AGBL4: variants seen among roughly 807,000 people sequenced by gnomAD.
AGBL4 encodes cytosolic carboxypeptidase 6.
A neutral mutation model predicts 66.4 loss-of-function variants in AGBL4; 58 were observed. The ratio of observed to expected loss-of-function variants is 0.87; its 90% CI spans 0.71 to 1.09. The LOEUF (loss-of-function observed/expected upper bound fraction) is 1.09, where lower values mean the gene tolerates loss of function less well. AGBL4 is among the 50% of genes least tolerant of loss of function. The pLI is 0.00. For synonymous variants in AGBL4, 234 were observed against 222.9 expected (o/e 1.05, Z -0.44); for missense variants, 579 against 631.0 (o/e 0.92, Z 0.88).
chr1:49,843,536 C>A (rs565432052), intron 2 of AGBL4, among the ~76,000 whole-genome samples: 1 of 152,304 alleles, frequency 6.6e-6, no homozygotes, highest in African/African-American at 2.4e-5. Context: ...GTGGTCAAGT[C>A]TCACATCTTA....
chr1:49,574,336 A>C (rs535705155), intron 3 of AGBL4, among the ~76,000 whole-genome samples: 94 of 152,140 alleles, frequency 6.2e-4, no homozygotes, highest in Non-Finnish European at 1.2e-3. Context: ...ACGGAGTTAA[A>C]AAGAGGTTCT....
intron 3 of AGBL4, among the ~76,000 whole-genome samples, chr1:49,409,975 T>G (rs1645283575): frequency 6.6e-6 from 1 of 152,192 alleles, no homozygotes; most frequent in African/African-American, 2.4e-5. Context: ...AGGCACTTTC[T>G]TCTTGAAACT....
chr1:49,054,623 T>C (rs1571336671), intron 4 of AGBL4, among the ~76,000 whole-genome samples: 1 of 151,938 alleles, frequency 6.6e-6, no homozygotes, highest in Admixed American at 6.6e-5. Context: ...ATCTTCAAAA[T>C]AGAAGCCATA....
chr1:48,634,647 C>T (rs889040279), intron 8 of AGBL4, 43 bp from the exon 9 acceptor site: 18 of 1,411,472 alleles, frequency 1.3e-5, no homozygotes, highest in South Asian at 7.9e-5. Context: ...ACAGGATAAG[C>T]TGAGCTTCTC....
At chr1:49,634,263 T>C (rs1645628461) in intron 3 of AGBL4, among the ~76,000 whole-genome samples, 1 of 152,146 alleles carries the variant, frequency 6.6e-6, no homozygotes, top group South Asian at 2.1e-4. Context: ...CCTCCCTGTG[T>C]CCATGTGTTC....
At chr1:48,624,120 T>TG (rs1645460325) in intron 9 of AGBL4, among the ~76,000 whole-genome samples, 2 of 152,140 alleles carry the variant, frequency 1.3e-5, no homozygotes. Context: ...TCTATGTGGG[T>TG]GGATTCCAAT....
chr1:49,600,652 A>G (rs976313546), intron 3 of AGBL4, among the ~76,000 whole-genome samples: 11 of 152,132 alleles, frequency 7.2e-5, no homozygotes, highest in Non-Finnish European at 1.5e-4. Context: ...TCCTGTCCTT[A>G]TGATGCTAGC....
chr1:49,153,507 T>C (rs919895864), intron 4 of AGBL4, among the ~76,000 whole-genome samples: 12 of 152,146 alleles, frequency 7.9e-5, no homozygotes, highest in African/African-American at 2.9e-4. Flanking sequence ...AGAATTTCTC[T>C]ATGCACATCA....
chr1:49,621,971 T>C (rs1438558588), intron 3 of AGBL4, among the ~76,000 whole-genome samples: 2 of 152,234 alleles, frequency 1.3e-5, no homozygotes, highest in Non-Finnish European at 2.9e-5. Context: ...TCAAACTATC[T>C]GTATCCTGAA....
intron 4 of AGBL4, among the ~76,000 whole-genome samples, chr1:49,117,614 T>C (rs1404645598): frequency 1.3e-5 from 2 of 152,240 alleles, no homozygotes; most frequent in Admixed American, 6.5e-5. Context: ...GCTATTTTGG[T>C]TACTGTAGCC....
Position 49,754,849 on chromosome 1 carries a change from A to C in AGBL4, c.158-57412T>G, listed in dbSNP as rs532962849. Among the ~76,000 whole-genome samples the C allele has an allele frequency of 2.0e-5, 3 of 152,342 alleles. No individual in the cohort carries two copies. The South Asian group carries it at 6.2e-4, about 32-fold the overall frequency. ...GGAGGACAGCAAATCCAAAATCTGC[A>C]GGTTGGGCTGTCAGACTGAAGATCC... On this transcript the variant is annotated intron_variant, in intron 2 of 13. Transcript: ENST00000371839.
intron 2 of AGBL4, among the ~76,000 whole-genome samples, chr1:49,848,890 A>AT (rs1646228342): frequency 6.6e-6 from 1 of 152,232 alleles, no homozygotes; most frequent in African/African-American, 2.4e-5. Context: ...GATATGCAAA[A>AT]TAACTGCACT....
intron 1 of AGBL4, among the ~76,000 whole-genome samples, chr1:49,886,092 T>G (rs1191556904): frequency 2.0e-5 from 3 of 152,174 alleles, no homozygotes; most frequent in Non-Finnish European, 2.9e-5. Context: ...TTTCCCTCCC[T>G]TGGTCTTACA....
At chr1:48,778,279 G>T (rs72904879) in intron 6 of AGBL4, among the ~76,000 whole-genome samples, 1,737 of 152,246 alleles carry the variant, frequency 0.011, 29 homozygotes, top group African/African-American at 0.039. Context: ...GCTGGTGATA[G>T]AAATGAAAAG....
intron 1 of AGBL4, among the ~76,000 whole-genome samples, chr1:49,860,934 T>A (rs962748473): frequency 5.9e-5 from 9 of 152,084 alleles, no homozygotes; most frequent in African/African-American, 2.2e-4. Context: ...GAATCACCAA[T>A]GCGACCCCTC....
At chr1:48,857,344 C>G (rs1332578918) in intron 6 of AGBL4, among the ~76,000 whole-genome samples, 1 of 152,164 alleles carries the variant, frequency 6.6e-6, no homozygotes, top group Non-Finnish European at 1.5e-5. Flanking sequence ...AGTTAGACTC[C>G]TACCTTACAT....
At chr1:49,260,140 T>A (rs1652980255) in intron 3 of AGBL4, among the ~76,000 whole-genome samples, 1 of 151,042 alleles carries the variant, frequency 6.6e-6, no homozygotes, top group African/African-American at 2.4e-5. Flanking sequence ...CCAGAATCTC[T>A]GGGACACATT....
chr1:49,101,387 C>T (rs1244334086), intron 4 of AGBL4, among the ~76,000 whole-genome samples: 1 of 152,056 alleles, frequency 6.6e-6, no homozygotes, highest in African/African-American at 2.4e-5. Context: ...AAGGTTTCGC[C>T]ATGTTGGCTA....
chr1:50,016,977 A>G (rs919808387), intron 1 of AGBL4: 3 of 152,212 alleles, frequency 2.0e-5, no homozygotes, highest in Non-Finnish European at 4.4e-5. Context: ...CCATAAAGAC[A>G]CATGCACACA....
Sources: allele counts gnomAD v4.1 joint callset (sites outside exome capture counted in the v4.1 genomes callset), GRCh38; gene constraint gnomAD v4.1.1; transcripts MANE v1.5; gene names NCBI Gene and HGNC (gene_info 2026-07-23, HGNC 2026-07-21).